Variants in SLC19A2 observed in about 807,000 individuals in gnomAD.
SLC19A2 encodes solute carrier family 19 member 2.
SLC19A2 carries 27 observed loss-of-function variants against 44.7 expected under a neutral mutation model. That is an observed-to-expected ratio of 0.60 (90% CI 0.45 to 0.83). SLC19A2 has a LOEUF of 0.83. Ranked by LOEUF, SLC19A2 falls within the 40% of genes least tolerant of loss-of-function variation. The pLI, the probability that SLC19A2 is intolerant of heterozygous loss-of-function variation, is 0.00. For missense variants in SLC19A2, 566 were observed against 613.7 expected (o/e 0.92, Z 0.82); for synonymous variants, 239 against 243.6 (o/e 0.98, Z 0.18).
intron 1 of SLC19A2, among the ~76,000 whole-genome samples, chr1:169,478,358 T>G (rs867690886): frequency 3.3e-5 from 5 of 150,526 alleles, no homozygotes; most frequent in East Asian, 2.0e-4. Context: ...TTTGGTTTTG[T>G]TTTTTGTTTT....
chr1:169,480,689 C>T lies in SLC19A2; in HGVS notation c.205-2932G>A, dbSNP rs528993485. Among the ~76,000 whole-genome samples, 3 of 152,226 alleles carry T rather than the reference C, an allele frequency of 2.0e-5. No individual in the cohort carries two copies. In the East Asian group the frequency reaches 5.8e-4, roughly 29 times the overall value. On this transcript the variant is annotated intron_variant, in intron 1 of 5. Transcript: ENST00000236137. ...CCAACATAGCACCATGAAGTACTAGCCATTAAACCTTTCCTTTAAAAATGT... is the reference window on the plus strand; with the variant it reads ...CCAACATAGCACCATGAAGTACTAGTCATTAAACCTTTCCTTTAAAAATGT...
In SLC19A2 at chr1:169,465,467, TC is replaced by T. The variant is rs1214982362; in HGVS notation, c.*381del. ...TTTTGTGGCCTCTGTGGAGCCCTGG[TC>T]CCACCAGGCCAAGCATCTGGCTAAG... On this transcript the variant is annotated 3_prime_UTR_variant, in exon 6 of 6. Coordinates refer to ENST00000236137, the MANE Select transcript of SLC19A2 (RefSeq NM_006996.3). The T allele has an allele frequency of 4.1e-6, 1 of 246,694 alleles. No individual in the cohort carries two copies. The highest frequency in any genetic ancestry group is 8.0e-6 in the Non-Finnish European group (1 of 125,462). 15.3% of individuals were successfully genotyped at this position (246,694 alleles called of 1,614,324 possible). A position where few individuals can be genotyped will look rare whatever the true frequency, so the allele number is the denominator to read the frequency against.
At chr1:169,482,455 C>G (rs1271682925) in intron 1 of SLC19A2, among the ~76,000 whole-genome samples, 1 of 151,892 alleles carries the variant, frequency 6.6e-6, no homozygotes, top group African/African-American at 2.4e-5. Flanking sequence ...GCATGAGAAT[C>G]GCTTAAACCT....
Position 169,477,636 on chromosome 1 carries a change from A to G in SLC19A2, c.326T>C (p.Ile109Thr). The change falls in exon 2 of 6, where the codon ATT (isoleucine) becomes ACT (threonine). Residue 109 changes from isoleucine (I) to threonine (T), a missense_variant. Ile to Thr is a moderately conservative substitution (Grantham distance 89). Transcript: ENST00000236137. Reference protein sequence around the residue: ...PVVLLQGLSLIVTWFMLLYAQ... With the variant: ...PVVLLQGLSLTVTWFMLLYAQ... The stretch of plus-strand genomic sequence containing the variant: ...ATAGAGCAGCATAAACCATGTAACA[A>G]TAAGGCTGAGCCCCTGCAGTAGAAC... 6.2e-7 allele frequency: 1 copy of G among 1,614,182 alleles called. No homozygotes were observed. Among genetic ancestry groups the G allele is most frequent in the Non-Finnish European group, 8.5e-7 (1 of 1,180,006 alleles).
rs1190796848 is a variant in SLC19A2, at chr1:169,465,850, T to C, written c.1493A>G (p.Ter498=). Residue 498 remains the stop codon, a stop_retained_variant, in exon 6 of 6, where the codon TAA becomes TGA. Coordinates refer to ENST00000236137, the MANE Select transcript of SLC19A2 (RefSeq NM_006996.3). ...AAGAAGAAGCCCTTCAGCAGTATAT[T>C]ATGAAGTGGTTACTTGAGAACTTGA... ...PQSSSQVTTS[*] is the part of the protein sequence containing the mutation. 1.2e-6 allele frequency: 2 copies of C among 1,613,792 alleles called. No individual in the cohort carries two copies. Among genetic ancestry groups the C allele is most frequent in the Non-Finnish European group, 1.7e-6 (2 of 1,179,902 alleles).
chr1:169,477,552 G>C lies in SLC19A2; in HGVS notation c.410C>G (p.Thr137Ser). ...GATATAAGAGTAATAGGCAATTTCAGTGGCTGTGGCGATGCCATAAAAAAA... is the reference window on the plus strand; with the variant it reads ...GATATAAGAGTAATAGGCAATTTCACTGGCTGTGGCGATGCCATAAAAAAA... The part of the protein sequence containing the change: ...LEFFYGIATA[T>S]EIAYYSYIYS... The change falls in exon 2 of 6, where the codon ACT (threonine) becomes AGT (serine). Residue 137 changes from threonine (T) to serine (S), a missense_variant. By Grantham distance (58) the Thr-to-Ser change is moderately conservative (BLOSUM62 1). Coordinates refer to ENST00000236137, the MANE Select transcript of SLC19A2 (RefSeq NM_006996.3). 6.2e-7 allele frequency: 1 copy of C among 1,614,186 alleles called. No homozygotes were observed. Among genetic ancestry groups the C allele is most frequent in the South Asian group, 1.1e-5 (1 of 91,086 alleles).
chr1:169,476,458 C>G (rs536960637), intron 2 of SLC19A2, among the ~76,000 whole-genome samples: 6 of 152,174 alleles, frequency 3.9e-5, no homozygotes, highest in Non-Finnish European at 7.3e-5. Flanking sequence ...GTGGCTCACG[C>G]CTGTAATCCC....
At position 169,468,254 on chromosome 1, in the gene SLC19A2, T is replaced by G. The variant is rs1368523747; in HGVS notation, c.1224-2A>C. On this transcript the variant is annotated splice_acceptor_variant, in intron 4 of 5. Transcript: ENST00000236137. LOFTEE classifies it high-confidence loss of function. ...CTGAGGTTTGCAGCAATTTGAAAACTTAAAAAAAAATAAAAGAGTGAATAA... is the reference window on the plus strand; with the variant it reads ...CTGAGGTTTGCAGCAATTTGAAAACGTAAAAAAAAATAAAAGAGTGAATAA... 6.2e-7 allele frequency: 1 copy of G among 1,611,042 alleles called. No individual in the cohort carries two copies. Among genetic ancestry groups the G allele is most frequent in the East Asian group, 2.2e-5 (1 of 44,872 alleles).
chr1:169,482,850 T>G (rs574106426), intron 1 of SLC19A2, among the ~76,000 whole-genome samples: 1 of 152,116 alleles, frequency 6.6e-6, no homozygotes, highest in Non-Finnish European at 1.5e-5. Flanking sequence ...AGGTTTGTAG[T>G]AGGATATAAG....
At chr1:169,480,983 A>C (rs113972485) in intron 1 of SLC19A2, among the ~76,000 whole-genome samples, 1 of 152,236 alleles carries the variant, frequency 6.6e-6, no homozygotes. Flanking sequence ...CCAACCTTGC[A>C]ATAACAACTA....
chr1:169,475,673 A>G (rs1658288543), intron 2 of SLC19A2, among the ~76,000 whole-genome samples: 1 of 152,090 alleles, frequency 6.6e-6, no homozygotes, highest in East Asian at 1.9e-4. Context: ...CTAACAAACT[A>G]TGAAAAAAAT....
intron 2 of SLC19A2, among the ~76,000 whole-genome samples, chr1:169,476,207 T>C (rs1658304418): frequency 6.6e-6 from 1 of 151,802 alleles, no homozygotes; most frequent in Non-Finnish European, 1.5e-5. Context: ...ACAGAACAGA[T>C]GGATAAATTA....
At position 169,468,851 on chromosome 1, in the gene SLC19A2, A is replaced by G; in HGVS notation, c.1031-15T>C. 1 of 1,611,458 alleles carries G rather than the reference A, an allele frequency of 6.2e-7. No individual in the cohort carries two copies. The highest frequency in any genetic ancestry group is 8.5e-7 in the Non-Finnish European group (1 of 1,177,762). On this transcript the variant is annotated splice_polypyrimidine_tract_variant and intron_variant, in intron 3 of 5. Coordinates refer to ENST00000236137, the MANE Select transcript of SLC19A2 (RefSeq NM_006996.3). ...AGCAACAGCACCTACAGAACAAACA[A>G]AAAAAATCCAATTATTTTGCTACAC...
Position 169,464,904 on chromosome 1 carries a change from A to T in SLC19A2, c.*945T>A, listed in dbSNP as rs1461918866. On this transcript the variant is annotated 3_prime_UTR_variant, in exon 6 of 6. Coordinates refer to ENST00000236137, the MANE Select transcript of SLC19A2 (RefSeq NM_006996.3). ...ACTTGGATAAGAAAAACAAATTAAT[A>T]TAAAAACTATAAATAGGGATGAAAT... 2.0e-5 allele frequency: 3 copies of T among 152,630 alleles called. No homozygotes were observed. In the East Asian group the frequency reaches 5.8e-4, roughly 29 times the overall value. The allele number at this position is 152,630 out of a possible 1,614,324, so 9.5% of individuals were successfully genotyped here.
rs1658548052 is a variant in SLC19A2 at position 169,485,756 on chromosome 1, G to C, written c.11C>G (p.Pro4Arg). The C allele has an allele frequency of 2.6e-6, 4 of 1,534,408 alleles. No individual in the cohort carries two copies. The highest frequency in any genetic ancestry group is 3.5e-6 in the Non-Finnish European group (4 of 1,144,778). ...CGCCGCCCGCCGAGACACCGGGCCG[G>C]GCACATCCATCCGGGGCGCGAGGGG... is the stretch of plus-strand genomic sequence containing the variant. MDV[P>R]GPVSRRAAAA... Residue 4 changes from proline to arginine, a missense_variant, in exon 1 of 6, where the codon CCC becomes CGC. Coordinates refer to ENST00000236137, the MANE Select transcript of SLC19A2 (RefSeq NM_006996.3).
intron 2 of SLC19A2, among the ~76,000 whole-genome samples, chr1:169,473,565 G>A (rs978016248): frequency 5.9e-5 from 9 of 151,924 alleles, no homozygotes; most frequent in African/African-American, 2.2e-4. Context: ...AAGTTTTAAA[G>A]TGCCACTTCC....
chr1:169,475,841 G>A (rs1223382470), intron 2 of SLC19A2, among the ~76,000 whole-genome samples: 1 of 152,192 alleles, frequency 6.6e-6, no homozygotes, highest in East Asian at 1.9e-4. Flanking sequence ...AGTAATTTGA[G>A]AGCTGAAGAA....
chr1:169,471,463 CCACACACACACACA>C (rs59833853), intron 2 of SLC19A2, among the ~76,000 whole-genome samples: 119 of 118,058 alleles, frequency 1.0e-3, no homozygotes, highest in Middle Eastern at 4.0e-3. Context: ...GATCCCGTCT[CCACACACACACACA>C]CACACACACA....
intron 1 of SLC19A2, 117 bp from the exon 2 acceptor site, chr1:169,477,874 G>T: frequency 9.9e-7 from 1 of 1,012,728 alleles, no homozygotes; most frequent in Non-Finnish European, 1.5e-6. Flanking sequence ...TCTCAACCTT[G>T]ACAACAGCAG....
Sources: allele counts gnomAD v4.1 joint callset (sites outside exome capture counted in the v4.1 genomes callset), GRCh38; gene constraint gnomAD v4.1.1; transcripts MANE v1.5; gene names NCBI Gene and HGNC (gene_info 2026-07-23, HGNC 2026-07-21).